ZBTB43: variants seen among roughly 807,000 people sequenced by gnomAD.
The protein encoded by ZBTB43 is zinc finger and BTB domain containing 43.
Under a neutral mutation model 31.1 loss-of-function variants are expected in ZBTB43, and 6 were observed. The ratio of observed to expected loss-of-function variants is 0.19; its 90% CI spans 0.11 to 0.38. ZBTB43 has a LOEUF of 0.38. Ranked by LOEUF, ZBTB43 falls within the 10% of genes least tolerant of loss-of-function variation. The pLI is 1.00. For synonymous variants in ZBTB43, 212 were observed against 221.7 expected, an observed-to-expected ratio of 0.96 and a Z score of 0.39; for missense variants, 379 against 602.1, an observed-to-expected ratio of 0.63 and a Z score of 3.88.
rs922293036 is a variant in ZBTB43, at chr9:126,837,185, A to C, written c.*3272A>C. The C allele has an allele frequency of 1.2e-5, 2 of 166,914 alleles. No individual in the cohort carries two copies. Among genetic ancestry groups the C allele is most frequent in the African/African-American group, 4.8e-5 (2 of 41,372 alleles). The allele number at this position is 166,914 out of a possible 1,614,324, so 10.3% of individuals were successfully genotyped here. A position where few individuals can be genotyped will look rare whatever the true frequency, so the allele number is the denominator to read the frequency against. ...TACAGTAATCCACGTGGTGAAGTGC[A>C]TGTCACCGTTAACTAAGGAAGGACT... On this transcript the variant is annotated 3_prime_UTR_variant, in exon 3 of 3. Coordinates refer to ENST00000373464, the MANE Select transcript of ZBTB43 (RefSeq NM_014007.4).
At chr9:126,818,250 G>A (rs2032435864) in intron 2 of ZBTB43, among the ~76,000 whole-genome samples, 2 of 150,216 alleles carry the variant, frequency 1.3e-5, no homozygotes, top group African/African-American at 4.9e-5. Flanking sequence ...AGTCTCCCAA[G>A]TAGCTGGGAC....
In ZBTB43 at chr9:126,824,050, A is replaced by G. The variant is rs2032573759; in HGVS notation, c.-23-8437A>G. On this transcript the variant is annotated intron_variant, in intron 2 of 2. Coordinates refer to ENST00000373464, the MANE Select transcript of ZBTB43 (RefSeq NM_014007.4). ...CAATGATGGCTTTTTTTTTTGAGAC[A>G]GAGTCTCACTCTGTTGCCCAGGCTG... Among the ~76,000 whole-genome samples the G allele has an allele frequency of 2.0e-5, 3 of 152,070 alleles. No homozygotes were observed. The East Asian group carries it at 5.8e-4, about 29-fold the overall frequency.
intron 2 of ZBTB43, among the ~76,000 whole-genome samples, chr9:126,816,853 TGGG>T (rs981926995): frequency 6.6e-6 from 1 of 152,222 alleles, no homozygotes; most frequent in African/African-American, 2.4e-5. Flanking sequence ...ACCTCCTTCC[TGGG>T]GCTACGGAGT....
At chr9:126,813,666 AC>A (rs1435823022) in intron 2 of ZBTB43, among the ~76,000 whole-genome samples, 1 of 152,214 alleles carries the variant, frequency 6.6e-6, no homozygotes, top group Non-Finnish European at 1.5e-5. Context: ...CTTATGATGT[AC>A]CAAACCCGCA....
At chr9:126,826,891 T>C (rs1412750089) in intron 2 of ZBTB43, among the ~76,000 whole-genome samples, 2 of 152,242 alleles carry the variant, frequency 1.3e-5, no homozygotes, top group African/African-American at 4.8e-5. Flanking sequence ...CTGTGACTTG[T>C]GATTCTAGTG....
intron 1 of ZBTB43, among the ~76,000 whole-genome samples, chr9:126,807,462 T>C (rs1401633623): frequency 1.8e-4 from 27 of 152,198 alleles, no homozygotes; most frequent in Non-Finnish European, 3.4e-4. Context: ...TCAAGAACAT[T>C]GATGAGGACC....
chr9:126,814,281 A>G (rs574871099), intron 2 of ZBTB43, among the ~76,000 whole-genome samples: 1 of 151,062 alleles, frequency 6.6e-6, no homozygotes, highest in East Asian at 1.9e-4. Context: ...TACAGATGAA[A>G]TTTACATCTG....
Position 126,835,010 on chromosome 9 carries a change from GC to G in ZBTB43, c.*1100del, listed in dbSNP as rs2032850886. On this transcript the variant is annotated 3_prime_UTR_variant, in exon 3 of 3. Coordinates refer to ENST00000373464, the MANE Select transcript of ZBTB43 (RefSeq NM_014007.4). ...GGTTATACTTAAGGGGGACAAAACT[GC>G]CCAAGAAGAATCTTGAGAATACACT... The G allele has an allele frequency of 6.0e-6, 1 of 167,050 alleles. No homozygotes were observed. The highest frequency in any genetic ancestry group is 2.1e-4 in the South Asian group (1 of 4,830). The allele number at this position is 167,050 out of a possible 1,614,324, so 10.3% of individuals were successfully genotyped here. A position where few individuals can be genotyped will look rare whatever the true frequency, so the allele number is the denominator to read the frequency against.
chr9:126,819,115 G>A (rs896394639), intron 2 of ZBTB43, among the ~76,000 whole-genome samples: 8 of 151,788 alleles, frequency 5.3e-5, no homozygotes, highest in African/African-American at 1.9e-4. Flanking sequence ...TTTCATTGTG[G>A]TTAGAAAAAT....
At chr9:126,825,842 A>ATTTTTTTTTTTTT (rs72512629) in intron 2 of ZBTB43, among the ~76,000 whole-genome samples, 1 of 91,202 alleles carries the variant, frequency 1.1e-5, no homozygotes, top group African/African-American at 3.8e-5. Flanking sequence ...TCCTTTTTAT[A>ATTTTTTTTTTTTT]TTTTTTTTTT....
rs1235921973 is a variant in ZBTB43, at chr9:126,835,232, A to T, written c.*1319A>T. On this transcript the variant is annotated 3_prime_UTR_variant, in exon 3 of 3. Transcript: ENST00000373464. ...CTACGCCGACCAGAAAAAAAAAATT[A>T]AAAAAACAAACAAGAAAAGCAACTA... The T allele has an allele frequency of 6.0e-6, 1 of 166,972 alleles. No homozygotes were observed. The highest frequency in any genetic ancestry group is 2.4e-5 in the African/African-American group (1 of 41,412). 10.3% of individuals were successfully genotyped at this position (166,972 alleles called of 1,614,324 possible).
At chr9:126,815,357 AATATAT>A (rs199590783) in intron 2 of ZBTB43, among the ~76,000 whole-genome samples, 1 of 142,670 alleles carries the variant, frequency 7.0e-6, no homozygotes, top group Admixed American at 7.1e-5. Flanking sequence ...AATATATAAA[AATATAT>A]ATATATATAT....
At chr9:126,812,048 C>G (rs954803277) in intron 2 of ZBTB43, among the ~76,000 whole-genome samples, 5 of 151,976 alleles carry the variant, frequency 3.3e-5, no homozygotes, top group African/African-American at 1.2e-4. Context: ...CTTTTGTCTC[C>G]CCTCAAAGAA....
chr9:126,805,092 G>C lies in ZBTB43; in HGVS notation c.-187G>C, dbSNP rs1167437659. ...ACAGGCCTGCGCCGGCGGCAGAGAG[G>C]ATATCTTGGGCGGGGGATGTGAGCG... On this transcript the variant is annotated 5_prime_UTR_variant, in exon 1 of 3. Coordinates refer to ENST00000373464, the MANE Select transcript of ZBTB43 (RefSeq NM_014007.4). The C allele has an allele frequency of 1.3e-5, 2 of 152,540 alleles. No homozygotes were observed. The highest frequency in any genetic ancestry group is 2.4e-5 in the African/African-American group (1 of 41,476). 9.4% of individuals were successfully genotyped at this position (152,540 alleles called of 1,614,324 possible). A position where few individuals can be genotyped will look rare whatever the true frequency, so the allele number is the denominator to read the frequency against.
chr9:126,805,992 A>C (rs1325212659), intron 1 of ZBTB43, among the ~76,000 whole-genome samples: 1 of 152,208 alleles, frequency 6.6e-6, no homozygotes, highest in African/African-American at 2.4e-5. Context: ...GTGTCGCCCA[A>C]CATAAGTGTC....
chr9:126,830,279 TGTC>T (rs1399795167), intron 2 of ZBTB43, among the ~76,000 whole-genome samples: 5 of 152,256 alleles, frequency 3.3e-5, no homozygotes, highest in Non-Finnish European at 7.3e-5. Context: ...TTTCTTCTCT[TGTC>T]ATCTCTCCCT....
At chr9:126,810,561 C>T (rs192440889) in intron 2 of ZBTB43, among the ~76,000 whole-genome samples, 141 of 126,748 alleles carry the variant, frequency 1.1e-3, no homozygotes, top group African/African-American at 3.9e-3. Context: ...GAGCGCGTGG[C>T]GAGATCTTGG....
chr9:126,814,339 A>G (rs1355963025), intron 2 of ZBTB43, among the ~76,000 whole-genome samples: 3 of 142,490 alleles, frequency 2.1e-5, no homozygotes, highest in Non-Finnish European at 4.6e-5. Flanking sequence ...TAAATTTTAC[A>G]TCTGTAAAAA....
At chr9:126,831,779 C>T (rs888562853) in intron 2 of ZBTB43, 13 of 151,574 alleles carry the variant, frequency 8.6e-5, no homozygotes, top group African/African-American at 2.7e-4. Context: ...AGTGAAACCC[C>T]ATCTCTACTA....
Sources: gnomAD v4.1 joint callset for allele counts (sites outside exome capture counted in the v4.1 genomes callset) on GRCh38, gnomAD v4.1.1 for gene constraint, MANE v1.5 for transcripts, NCBI Gene and HGNC (gene_info 2026-07-23, HGNC 2026-07-21) for gene names.